HPSE2: variants seen among roughly 807,000 people sequenced by gnomAD.
The protein encoded by HPSE2 is inactive heparanase-2.
In HPSE2, 38 loss-of-function variants were observed where a neutral mutation model predicts 60.5. The ratio of observed to expected loss-of-function variants is 0.63; its 90% CI spans 0.48 to 0.82. The LOEUF (loss-of-function observed/expected upper bound fraction) is 0.82. Ranked by LOEUF, HPSE2 falls within the 40% of genes least tolerant of loss-of-function variation. HPSE2 has a pLI of 0.00. For missense variants in HPSE2, 713 were observed against 740.4 expected, an observed-to-expected ratio of 0.96 and a Z score of 0.43; for synonymous variants, 295 against 293.2, an observed-to-expected ratio of 1.01 and a Z score of -0.06.
At chr10:99,022,891 C>T (rs1957294508) in intron 3 of HPSE2, among the ~76,000 whole-genome samples, 1 of 152,158 alleles carries the variant, frequency 6.6e-6, no homozygotes, top group Non-Finnish European at 1.5e-5. Flanking sequence ...CTGAGACTTG[C>T]TGGCTTCAGG....
At chr10:99,305,979 G>GCGCACACACACACACACA in the HPSE2 span, among the ~76,000 whole-genome samples, 1,240 of 80,384 alleles carry the variant, frequency 0.015, 27 homozygotes, top group Non-Finnish European at 0.019. Flanking sequence ...GCGCGCGCGC[G>GCGCACACACACACACACA]CACACACACA....
chr10:98,500,579 A>G (rs948909749), intron 9 of HPSE2, among the ~76,000 whole-genome samples: 13 of 152,214 alleles, frequency 8.5e-5, no homozygotes, highest in Non-Finnish European at 1.9e-4. Flanking sequence ...AGACTGAAAG[A>G]GCACAGACTG....
intron 3 of HPSE2, among the ~76,000 whole-genome samples, chr10:98,765,247 C>T (rs1224666746): frequency 1.3e-5 from 2 of 152,088 alleles, no homozygotes; most frequent in African/African-American, 4.8e-5. Flanking sequence ...CCAAGACAGA[C>T]CATATTCTGG....
chr10:98,987,597 C>T (rs1956399617), intron 3 of HPSE2, among the ~76,000 whole-genome samples: 1 of 152,070 alleles, frequency 6.6e-6, no homozygotes, highest in African/African-American at 2.4e-5. Context: ...ACAGGGATGC[C>T]CTCTCTCACC....
chr10:98,899,719 T>C lies in HPSE2; in HGVS notation c.611-155663A>G, dbSNP rs1159418414. On this transcript the variant is annotated intron_variant, in intron 3 of 11. Coordinates refer to ENST00000370552, the MANE Select transcript of HPSE2 (RefSeq NM_021828.5). Reference sequence around the variant, plus strand: ...TTCTTAGACATTGCTGATGGAAATGTAAAATGGTACCATCACTTGAAAAAT... The same window carrying C: ...TTCTTAGACATTGCTGATGGAAATGCAAAATGGTACCATCACTTGAAAAAT... 2.0e-5 allele frequency among the ~76,000 whole-genome samples: 3 copies of C among 150,070 alleles called. No homozygotes were observed. In the East Asian group the frequency reaches 5.9e-4, roughly 29 times the overall value.
At chr10:98,622,795 C>T (rs920482157) in intron 7 of HPSE2, among the ~76,000 whole-genome samples, 2 of 152,056 alleles carry the variant, frequency 1.3e-5, no homozygotes, top group Non-Finnish European at 2.9e-5. Flanking sequence ...AAAGAAGAGT[C>T]GTTTGAGGAT....
chr10:98,777,186 G>C (rs951837704), intron 3 of HPSE2, among the ~76,000 whole-genome samples: 1 of 152,080 alleles, frequency 6.6e-6, no homozygotes, highest in Non-Finnish European at 1.5e-5. Flanking sequence ...AAATGGTAGG[G>C]AGGTCAGTAA....
the HPSE2 span, among the ~76,000 whole-genome samples, chr10:99,268,836 A>C: frequency 6.6e-6 from 1 of 152,156 alleles, no homozygotes; most frequent in Non-Finnish European, 1.5e-5. Context: ...TGCTCCACTT[A>C]AAAGATAAAG....
chr10:98,476,731 A>C (rs1214676102), intron 11 of HPSE2, among the ~76,000 whole-genome samples: 1 of 152,060 alleles, frequency 6.6e-6, no homozygotes, highest in Admixed American at 6.5e-5. Context: ...CAGAGGTTGC[A>C]GTGAGCTGAG....
chr10:99,014,892 G>C (rs954964015), intron 3 of HPSE2, among the ~76,000 whole-genome samples: 2 of 152,088 alleles, frequency 1.3e-5, no homozygotes, highest in African/African-American at 4.8e-5. Flanking sequence ...CCAACCTACA[G>C]AATGGGAGAA....
the HPSE2 span, among the ~76,000 whole-genome samples, chr10:99,281,693 A>G: frequency 2.0e-5 from 3 of 152,270 alleles, no homozygotes; most frequent in Middle Eastern, 6.8e-3. Flanking sequence ...CTGTGACTCT[A>G]CTGGATTACT....
chr10:98,764,670 A>G (rs1195657843), intron 3 of HPSE2, among the ~76,000 whole-genome samples: 2 of 152,244 alleles, frequency 1.3e-5, no homozygotes, highest in South Asian at 2.1e-4. Flanking sequence ...CCAGACCAAC[A>G]TGGTGAAACC....
intron 3 of HPSE2, among the ~76,000 whole-genome samples, chr10:98,875,972 GTT>G: frequency 6.6e-6 from 1 of 151,900 alleles, no homozygotes; most frequent in South Asian, 2.1e-4. Context: ...AAAAATACAG[GTT>G]TGCTAACTAT....
intron 3 of HPSE2, among the ~76,000 whole-genome samples, chr10:98,899,998 G>C (rs541807523): frequency 4.6e-5 from 7 of 152,084 alleles, no homozygotes; most frequent in African/African-American, 1.7e-4. Flanking sequence ...GGCCAGGCTG[G>C]TCTCAAACTC....
Position 99,141,265 on chromosome 10 carries a change from A to G in HPSE2, c.610+2973T>C, listed in dbSNP as rs534152949. Among the ~76,000 whole-genome samples the G allele has an allele frequency of 3.3e-5, 5 of 152,234 alleles. No homozygotes were observed. In the South Asian group the frequency reaches 1.0e-3, roughly 32 times the overall value. Reference sequence around the variant, plus strand: ...GCTCAAGAAACTGCAGGACAAACATATACGCCCCCATAGGTGAGTCAGTGG... The same window carrying G: ...GCTCAAGAAACTGCAGGACAAACATGTACGCCCCCATAGGTGAGTCAGTGG... On this transcript the variant is annotated intron_variant, in intron 3 of 11. Transcript: ENST00000370552.
chr10:98,875,826 A>G (rs530123670), intron 3 of HPSE2, among the ~76,000 whole-genome samples: 19 of 151,936 alleles, frequency 1.3e-4, no homozygotes, highest in Non-Finnish European at 2.5e-4. Flanking sequence ...TCTCTCAAAA[A>G]CTTCACCAAG....
At chr10:98,673,305 T>G (rs1052389138) in intron 6 of HPSE2, among the ~76,000 whole-genome samples, 2 of 152,198 alleles carry the variant, frequency 1.3e-5, no homozygotes, top group South Asian at 2.1e-4. Context: ...GTCCAGCTGT[T>G]ACCAGTCTGT....
intron 3 of HPSE2, among the ~76,000 whole-genome samples, chr10:98,970,740 T>C (rs1034255573): frequency 9.9e-5 from 15 of 152,158 alleles, no homozygotes; most frequent in East Asian, 9.6e-4. Context: ...AGAGCTTTAT[T>C]TCAAGATCAG....
intron 11 of HPSE2, among the ~76,000 whole-genome samples, chr10:98,472,102 G>T (rs1013746748): frequency 9.2e-5 from 14 of 152,030 alleles, no homozygotes; most frequent in African/African-American, 3.4e-4. Context: ...GCATTAACAA[G>T]ATTTGTGAGG....
Sources: gnomAD v4.1 joint callset for allele counts (sites outside exome capture counted in the v4.1 genomes callset) on GRCh38, gnomAD v4.1.1 for gene constraint, MANE v1.5 for transcripts, NCBI Gene and HGNC (gene_info 2026-07-23, HGNC 2026-07-21) for gene names.